KCNIP1: variants seen among roughly 807,000 people sequenced by gnomAD.
The protein encoded by KCNIP1 is A-type potassium channel modulatory protein KCNIP1.
A neutral mutation model predicts 33.0 loss-of-function variants in KCNIP1; 18 were observed. The observed-to-expected ratio is 0.55, with a 90% CI of 0.38 to 0.81. The LOEUF is 0.81. Among genes scored for constraint, KCNIP1 ranks in the 30% least tolerant of loss-of-function variants. KCNIP1 has a pLI of 0.00. For synonymous variants in KCNIP1, 93 were observed against 98.3 expected, an observed-to-expected ratio of 0.95 and a Z score of 0.32; for missense variants, 238 against 271.6, an observed-to-expected ratio of 0.88 and a Z score of 0.87.
In KCNIP1 at chr5:170,681,168, T is replaced by A. The variant is rs991789728; in HGVS notation, c.62-37590T>A. On this transcript the variant is annotated intron_variant, in intron 1 of 7. Coordinates refer to ENST00000328939, the MANE Select transcript of KCNIP1 (RefSeq NM_014592.4). ...TTTGCACTACCTCGGACTGATTGAC[T>A]TGTCAGACGGTAAGCGAACCCTGGA... The A allele has an allele frequency of 1.0e-4, 41 of 399,018 alleles. No homozygotes were observed. In the Admixed American group the frequency reaches 1.7e-3, roughly 17 times the overall value. The allele number at this position is 399,018 out of a possible 1,614,324, so 24.7% of individuals were successfully genotyped here. A position where few individuals can be genotyped will look rare whatever the true frequency, so the allele number is the denominator to read the frequency against.
chr5:170,633,734 GGA>G (rs1491162474), intron 1 of KCNIP1, among the ~76,000 whole-genome samples: 5 of 14,938 alleles, frequency 3.3e-4, no homozygotes, highest in East Asian at 4.5e-3. Context: ...AGGGGGGGAC[GGA>G]GGGGGGGGCG....
At chr5:170,697,712 C>T (rs1762947414) in intron 1 of KCNIP1, among the ~76,000 whole-genome samples, 1 of 152,140 alleles carries the variant, frequency 6.6e-6, no homozygotes, top group African/African-American at 2.4e-5. Flanking sequence ...ACCCTCATGG[C>T]TCCCAGCACA....
chr5:170,523,528 G>A (rs1755449660), intron 1 of KCNIP1, among the ~76,000 whole-genome samples: 1 of 152,274 alleles, frequency 6.6e-6, no homozygotes, highest in South Asian at 2.1e-4. Context: ...CTCCTACCTG[G>A]CTGGGCCAGG....
chr5:170,547,427 A>T (rs530732240), intron 1 of KCNIP1, among the ~76,000 whole-genome samples: 3 of 152,284 alleles, frequency 2.0e-5, no homozygotes, highest in Admixed American at 2.0e-4. Flanking sequence ...GGTTTGTTGC[A>T]TAGGTAAATA....
At chr5:170,509,374 G>GA (rs11382320) in intron 1 of KCNIP1, among the ~76,000 whole-genome samples, 56,727 of 151,738 alleles carry the variant, frequency 0.37, 11,238 homozygotes, top group African/African-American at 0.51. Flanking sequence ...AGATGGAAAA[G>GA]AATGGAAGAC....
chr5:170,418,955 A>C (rs1184130654), intron 1 of KCNIP1, among the ~76,000 whole-genome samples: 1 of 152,176 alleles, frequency 6.6e-6, no homozygotes, highest in East Asian at 1.9e-4. Flanking sequence ...GTGCCATTTG[A>C]GTGAGTGTCC....
At chr5:170,411,445 T>C (rs1554090534) in intron 1 of KCNIP1, among the ~76,000 whole-genome samples, 2 of 151,290 alleles carry the variant, frequency 1.3e-5, no homozygotes, top group Non-Finnish European at 2.9e-5. Context: ...GGACAGAGAG[T>C]GAGAGAAAGA....
At chr5:170,657,089 G>A (rs1415728947) in intron 1 of KCNIP1, among the ~76,000 whole-genome samples, 4 of 142,030 alleles carry the variant, frequency 2.8e-5, no homozygotes, top group Non-Finnish European at 6.0e-5. Context: ...TCCACCTCCC[G>A]GGTTCAAGCA....
At chr5:170,470,411 G>A (rs1756696288) in intron 1 of KCNIP1, among the ~76,000 whole-genome samples, 1 of 151,980 alleles carries the variant, frequency 6.6e-6, no homozygotes, top group African/African-American at 2.4e-5. Context: ...GGCAGGACCT[G>A]TCTCTCAGCA....
chr5:170,418,291 C>T (rs1377843868), intron 1 of KCNIP1, among the ~76,000 whole-genome samples: 1 of 152,142 alleles, frequency 6.6e-6, no homozygotes, highest in African/African-American at 2.4e-5. Context: ...TTTAGCTGGG[C>T]AGGGTGGCAT....
At chr5:170,435,074 C>T (rs1226457063) in intron 1 of KCNIP1, among the ~76,000 whole-genome samples, 1 of 152,242 alleles carries the variant, frequency 6.6e-6, no homozygotes, top group African/African-American at 2.4e-5. Flanking sequence ...AAGGGGCCAG[C>T]GTCAGGTCCT....
At chr5:170,485,393 C>T (rs576599402) in intron 1 of KCNIP1, among the ~76,000 whole-genome samples, 14 of 152,338 alleles carry the variant, frequency 9.2e-5, no homozygotes, top group Admixed American at 9.1e-4. Context: ...ACATCCCAAA[C>T]TCAAGCCCAC....
chr5:170,531,968 A>G (rs943813562), intron 1 of KCNIP1, among the ~76,000 whole-genome samples: 3 of 152,160 alleles, frequency 2.0e-5, no homozygotes, highest in African/African-American at 7.2e-5. Context: ...GCCTCTTTCA[A>G]CTTCTTCTCT....
At chr5:170,651,658 T>G (rs909713466) in intron 1 of KCNIP1, among the ~76,000 whole-genome samples, 5 of 152,180 alleles carry the variant, frequency 3.3e-5, no homozygotes, top group African/African-American at 1.2e-4. Context: ...TCTTTACTTT[T>G]AAATATTTGC....
chr5:170,567,071 C>T (rs1757229041), intron 1 of KCNIP1, among the ~76,000 whole-genome samples: 1 of 152,186 alleles, frequency 6.6e-6, no homozygotes. Flanking sequence ...CAGTGGGATA[C>T]AGTCAGGGCC....
At chr5:170,353,838 C>T (rs1209138590) in exon 1 of KCNIP1, 1 of 1,598,532 alleles carries the variant, frequency 6.3e-7, no homozygotes, top group Non-Finnish European at 8.6e-7. Context: ...ACTGTCCCTT[C>T]TGGGTGCTGA....
intron 1 of KCNIP1, among the ~76,000 whole-genome samples, chr5:170,593,334 G>C (rs1758330733): frequency 1.3e-5 from 2 of 152,078 alleles, no homozygotes; most frequent in Admixed American, 1.3e-4. Context: ...CCCTCTCAGG[G>C]GGTCACCTCA....
intron 1 of KCNIP1, among the ~76,000 whole-genome samples, chr5:170,355,219 A>G (rs540798151): frequency 2.0e-4 from 31 of 152,238 alleles, no homozygotes; most frequent in South Asian, 1.9e-3. Flanking sequence ...TGAGCCCCCA[A>G]TGTGGAGGGC....
At chr5:170,585,646 A>G (rs1757959550) in intron 1 of KCNIP1, among the ~76,000 whole-genome samples, 1 of 152,152 alleles carries the variant, frequency 6.6e-6, no homozygotes. Context: ...TACCGGACCA[A>G]TCAGGGCACC....
Sources: gnomAD v4.1 joint callset for allele counts (sites outside exome capture counted in the v4.1 genomes callset) on GRCh38, gnomAD v4.1.1 for gene constraint, MANE v1.5 for transcripts, NCBI Gene and HGNC (gene_info 2026-07-23, HGNC 2026-07-21) for gene names.